The following KAT2B variants were observed in gnomAD, a reference collection of about 807,000 sequenced individuals.
KAT2B encodes lysine acetyltransferase 2B.
A neutral mutation model predicts 105.9 loss-of-function variants in KAT2B; 36 were observed. That is an observed-to-expected ratio of 0.34 (90% CI 0.26 to 0.45). KAT2B has a LOEUF of 0.45. KAT2B is among the 20% of genes least tolerant of loss of function. KAT2B has a pLI of 1.00. For synonymous variants in KAT2B, 397 were observed against 377.9 expected (o/e 1.05, Z -0.59); for missense variants, 820 against 1,021.6 (o/e 0.80, Z 2.69).
At chr3:20,059,537 C>T (rs550340698) in intron 1 of KAT2B, among the ~76,000 whole-genome samples, 1 of 151,568 alleles carries the variant, frequency 6.6e-6, no homozygotes, top group South Asian at 2.1e-4. Context: ...AACCCCACCT[C>T]TACTACAAAT....
chr3:20,113,343 C>T (rs1249849152), intron 6 of KAT2B, among the ~76,000 whole-genome samples: 1 of 152,186 alleles, frequency 6.6e-6, no homozygotes, highest in Non-Finnish European at 1.5e-5. Context: ...ACAAAGAAGA[C>T]TCCTCCCTTC....
chr3:20,087,149 A>G (rs1324932547), intron 2 of KAT2B, among the ~76,000 whole-genome samples: 1 of 152,222 alleles, frequency 6.6e-6, no homozygotes, highest in Non-Finnish European at 1.5e-5. Context: ...ATGCCACTGT[A>G]AGATGACTGT....
intron 2 of KAT2B, among the ~76,000 whole-genome samples, chr3:20,079,562 G>T (rs761342906): frequency 1.3e-5 from 2 of 152,190 alleles, no homozygotes; most frequent in Middle Eastern, 3.4e-3. Context: ...TCACACTAGA[G>T]CTTACTTCTT....
intron 14 of KAT2B, 61 bp downstream of exon 14, chr3:20,146,491 A>G (rs1208614531): frequency 2.2e-6 from 2 of 918,474 alleles, no homozygotes; most frequent in Non-Finnish European, 3.5e-6. Context: ...TTGTGTTTGA[A>G]ACAATTTCCA....
intron 3 of KAT2B, 87 bp downstream of exon 3, chr3:20,095,495 T>A: frequency 1.2e-6 from 1 of 833,022 alleles, no homozygotes; most frequent in Non-Finnish European, 1.9e-6. Flanking sequence ...GTGAAGGCTT[T>A]CAGCTCCTGG....
At chr3:20,150,812 T>TA (rs3840191) in intron 17 of KAT2B, among the ~76,000 whole-genome samples, 36,798 of 152,092 alleles carry the variant, frequency 0.24, 5,221 homozygotes, top group East Asian at 0.57. Flanking sequence ...ACCCATCTCC[T>TA]AAAAAAGTTC....
At position 20,142,229 on chromosome 3, in the gene KAT2B, C is replaced by T. The variant is rs1271449808; in HGVS notation, c.2004+1865C>T. Reference sequence around the variant, plus strand: ...AACAAAGCAGTCAACTTTTTAGAAGCCAAGGCTCCCTCCCCATTCTTTTTT... The same window carrying T: ...AACAAAGCAGTCAACTTTTTAGAAGTCAAGGCTCCCTCCCCATTCTTTTTT... On this transcript the variant is annotated intron_variant, in intron 13 of 17. Transcript: ENST00000263754. 2.0e-5 allele frequency among the ~76,000 whole-genome samples: 3 copies of T among 152,126 alleles called. No homozygotes were observed. The East Asian group carries it at 5.8e-4, about 29-fold the overall frequency.
chr3:20,091,889 T>G (rs1207907419), intron 2 of KAT2B, among the ~76,000 whole-genome samples: 1 of 152,164 alleles, frequency 6.6e-6, no homozygotes, highest in African/African-American at 2.4e-5. Context: ...ATGCTATTAT[T>G]TTTGCACCAA....
chr3:20,063,573 T>G (rs180831120), intron 1 of KAT2B, among the ~76,000 whole-genome samples: 115 of 127,230 alleles, frequency 9.0e-4, no homozygotes, highest in African/African-American at 3.5e-3. Flanking sequence ...TTGAGATGGT[T>G]GCTCTGTTGC....
At chr3:20,133,320 A>G (rs149866194) in intron 11 of KAT2B, among the ~76,000 whole-genome samples, 212 of 152,300 alleles carry the variant, frequency 1.4e-3, no homozygotes, top group African/African-American at 4.8e-3. Context: ...GAGACCTTTC[A>G]GCTTTAGTGC....
chr3:20,041,544 G>C (rs779660415), intron 1 of KAT2B, among the ~76,000 whole-genome samples: 10 of 152,230 alleles, frequency 6.6e-5, no homozygotes, highest in Non-Finnish European at 1.2e-4. Flanking sequence ...TGCCAGTTTA[G>C]GCACCCTGTC....
chr3:20,048,261 A>G (rs1697850813), intron 1 of KAT2B, among the ~76,000 whole-genome samples: 1 of 152,178 alleles, frequency 6.6e-6, no homozygotes, highest in Non-Finnish European at 1.5e-5. Flanking sequence ...ATTTTCAGGG[A>G]AGATGGAAAT....
intron 11 of KAT2B, among the ~76,000 whole-genome samples, chr3:20,133,874 G>A (rs1445276643): frequency 6.6e-6 from 1 of 151,972 alleles, no homozygotes; most frequent in African/African-American, 2.4e-5. Flanking sequence ...CACTATTGAG[G>A]TCGAACATAT....
At chr3:20,051,722 A>AT (rs891911465) in intron 1 of KAT2B, among the ~76,000 whole-genome samples, 76 of 152,322 alleles carry the variant, frequency 5.0e-4, no homozygotes, top group African/African-American at 1.8e-3. Context: ...CTCCACAAAG[A>AT]TTTTTCATAA....
Position 20,099,966 on chromosome 3 carries a change from T to A in KAT2B, c.669+12T>A, listed in dbSNP as rs891531679. The A allele has an allele frequency of 7.2e-7, 1 of 1,384,678 alleles. No homozygotes were observed. Among genetic ancestry groups the A allele is most frequent in the Non-Finnish European group, 1.0e-6 (1 of 976,968 alleles). 85.8% of individuals were successfully genotyped at this position (1,384,678 alleles called of 1,614,324 possible). A position where few individuals can be genotyped will look rare whatever the true frequency, so the allele number is the denominator to read the frequency against. On this transcript the variant is annotated intron_variant, in intron 4 of 17. Coordinates refer to ENST00000263754, the MANE Select transcript of KAT2B (RefSeq NM_003884.5). ...CTAGCATTGAACAGGTAAAAAGATT[T>A]TAAAAGCCCTCTTTTTATTGGCTCA... is the stretch of plus-strand genomic sequence containing the variant.
chr3:20,080,609 T>A (rs564870872), intron 2 of KAT2B, among the ~76,000 whole-genome samples: 1 of 152,340 alleles, frequency 6.6e-6, no homozygotes, highest in East Asian at 1.9e-4. Context: ...AATTCAATAA[T>A]GGTAAAATGA....
intron 2 of KAT2B, among the ~76,000 whole-genome samples, chr3:20,076,751 G>A (rs765456046): frequency 5.3e-5 from 8 of 151,944 alleles, no homozygotes; most frequent in African/African-American, 1.2e-4. Context: ...AATTGTTACC[G>A]ACAAAGTACA....
At chr3:20,111,898 C>A in intron 6 of KAT2B, 111 bp downstream of exon 6, 3 of 842,766 alleles carry the variant, frequency 3.6e-6, no homozygotes, top group Non-Finnish European at 5.4e-6. Flanking sequence ...AGAAACATTC[C>A]AAGGGGATGG....
At chr3:20,102,874 G>A (rs1218086900) in intron 5 of KAT2B, among the ~76,000 whole-genome samples, 1 of 152,120 alleles carries the variant, frequency 6.6e-6, no homozygotes, top group Non-Finnish European at 1.5e-5. Context: ...TCTTTTGATA[G>A]CCTGTCAAGA....
Sources: allele counts gnomAD v4.1 joint callset (sites outside exome capture counted in the v4.1 genomes callset), GRCh38; gene constraint gnomAD v4.1.1; transcripts MANE v1.5; gene names NCBI Gene and HGNC (gene_info 2026-07-23, HGNC 2026-07-21).